C10orf88: variants seen among roughly 807,000 people sequenced by gnomAD.
The protein encoded by C10orf88 is ATPase PAAT.
A neutral mutation model predicts 34.2 loss-of-function variants in C10orf88; 29 were observed. That is an observed-to-expected ratio of 0.85 (90% CI 0.63 to 1.16). The LOEUF is 1.16. C10orf88 is among the 50% of genes most tolerant of loss of function. The probability of loss-of-function intolerance (pLI) is 0.00; values close to 1 mark genes in which losing one functional copy is unlikely to be tolerated. For missense variants in C10orf88, 507 were observed against 533.2 expected, an observed-to-expected ratio of 0.95 and a Z score of 0.48; for synonymous variants, 194 against 197.4, an observed-to-expected ratio of 0.98 and a Z score of 0.15.
chr10:122,953,122 G>A, intron 1 of C10orf88, 90 bp from the exon 2 acceptor site: 3 of 1,082,768 alleles, frequency 2.8e-6, no homozygotes, highest in Non-Finnish European at 4.1e-6. Flanking sequence ...CTGTCGCCCA[G>A]GCTGGAATGC....
At chr10:122,948,606 G>C in intron 4 of C10orf88, 43 bp downstream of exon 4, 2 of 1,565,204 alleles carry the variant, frequency 1.3e-6, no homozygotes, top group Non-Finnish European at 1.8e-6. Flanking sequence ...CAATGGTTTT[G>C]AAATCATTAA....
At chr10:122,934,784 TGA>T (rs942661574) in intron 5 of C10orf88, among the ~76,000 whole-genome samples, 1 of 152,168 alleles carries the variant, frequency 6.6e-6, no homozygotes, top group Admixed American at 6.5e-5. Flanking sequence ...CAACAATGTA[TGA>T]GAGATCCAGT....
At chr10:122,953,631 T>C (rs1848714987) in intron 1 of C10orf88, among the ~76,000 whole-genome samples, 1 of 152,248 alleles carries the variant, frequency 6.6e-6, no homozygotes, top group Non-Finnish European at 1.5e-5. Context: ...TTTTTCGAAA[T>C]TAAGTCGACA....
At chr10:122,952,596 C>T (rs983837179) in intron 2 of C10orf88, among the ~76,000 whole-genome samples, 1 of 152,178 alleles carries the variant, frequency 6.6e-6, no homozygotes, top group Non-Finnish European at 1.5e-5. Context: ...GACCTCCTAC[C>T]AATTCACCTT....
rs200811772 is a variant in C10orf88 at position 122,937,686 on chromosome 10, G to A, written c.1103+19C>T. ...CCACCTACCAAATCGAAACTCGTAT[G>A]TCTTAAAATAATACTTACCCAACAC... On this transcript the variant is annotated intron_variant, in intron 5 of 5. Transcript: ENST00000481909. 4.9e-4 allele frequency: 761 copies of A among 1,557,144 alleles called. No individual in the cohort carries two copies. Among genetic ancestry groups the A allele is most frequent in the Non-Finnish European group, 5.6e-4 (641 of 1,146,446 alleles).
chr10:122,941,809 G>C (rs1182710170), intron 4 of C10orf88, among the ~76,000 whole-genome samples: 3 of 152,040 alleles, frequency 2.0e-5, no homozygotes, highest in African/African-American at 7.2e-5. Flanking sequence ...CATTAGTGGT[G>C]AGAAGAAAGT....
rs372209098 is a variant in C10orf88 at position 122,932,515 on chromosome 10, T to C, written c.1250A>G (p.Asp417Gly). ...CGGGGAGTTAGGATTTTGCAGCAAA[T>C]CCAGTAACAAAGCAATCTTATCATC... ...HIDDKIALLL[D>G]LLQNPNSPPT... Residue 417 changes from aspartate to glycine, a missense_variant, in exon 6 of 6, where the codon GAT becomes GGT. Physicochemically the swap from Asp to Gly is moderately conservative, Grantham distance 94. Coordinates refer to ENST00000481909, the MANE Select transcript of C10orf88 (RefSeq NM_024942.4). 26 of 1,613,902 alleles carry C rather than the reference T, an allele frequency of 1.6e-5. No individual in the cohort carries two copies. The highest frequency in any genetic ancestry group is 2.1e-5 in the Non-Finnish European group (25 of 1,179,978).
chr10:122,936,658 A>C (rs558301139), intron 5 of C10orf88, among the ~76,000 whole-genome samples: 1 of 151,972 alleles, frequency 6.6e-6, no homozygotes, highest in Non-Finnish European at 1.5e-5. Flanking sequence ...TACTTCTTTA[A>C]CTGCATCCCA....
intron 2 of C10orf88, 85 bp from the exon 3 acceptor site, chr10:122,952,111 C>A (rs952104934): frequency 1.6e-5 from 12 of 756,124 alleles, no homozygotes; most frequent in Non-Finnish European, 1.9e-5. Flanking sequence ...GTTTCCAGAA[C>A]AATATTGAAA....
chr10:122,939,665 T>C (rs1234063915), intron 4 of C10orf88, among the ~76,000 whole-genome samples: 1 of 151,958 alleles, frequency 6.6e-6, no homozygotes, highest in Non-Finnish European at 1.5e-5. Context: ...AATGTTAACA[T>C]TGGACAACTC....
intron 5 of C10orf88, chr10:122,933,395 G>C (rs568437203): frequency 2.0e-5 from 3 of 152,180 alleles, no homozygotes; most frequent in Non-Finnish European, 4.4e-5. Flanking sequence ...GCTTGAACCC[G>C]GGAGACAGAG....
intron 4 of C10orf88, 40 bp from the exon 5 acceptor site, chr10:122,938,199 C>G (rs1440491524): frequency 2.0e-6 from 3 of 1,467,692 alleles, no homozygotes; most frequent in Non-Finnish European, 2.8e-6. Context: ...ATTAATAACA[C>G]TGACAGCTAA....
chr10:122,938,018 T>C lies in C10orf88; in HGVS notation c.790A>G (p.Thr264Ala). 6.2e-7 allele frequency: 1 copy of C among 1,613,408 alleles called. No individual in the cohort carries two copies. The highest frequency in any genetic ancestry group is 1.1e-5 in the South Asian group (1 of 91,062). The change falls in exon 5 of 6, where the codon ACA becomes GCA. Residue 264 changes from threonine to alanine, a missense_variant. By Grantham distance (58) the Thr-to-Ala change is moderately conservative. Coordinates refer to ENST00000481909, the MANE Select transcript of C10orf88 (RefSeq NM_024942.4). ...AAGTTTTCAGTCACGTTCCCAGATGTCAATCCAGTTCTAAAAGGAAAAGGT... is the reference window on the plus strand; with the variant it reads ...AAGTTTTCAGTCACGTTCCCAGATGCCAATCCAGTTCTAAAAGGAAAAGGT... ...STPFPFRTGL[T>A]SGNVTENLQT...
intron 4 of C10orf88, among the ~76,000 whole-genome samples, chr10:122,944,761 C>T (rs1245697707): frequency 6.6e-6 from 1 of 151,812 alleles, no homozygotes; most frequent in East Asian, 1.9e-4. Context: ...ATCTCACAAG[C>T]TTTTCAAATT....
At chr10:122,953,083 ACT>A (rs1403772218) in intron 1 of C10orf88, 51 bp from the exon 2 acceptor site, 1 of 1,439,448 alleles carries the variant, frequency 6.9e-7, no homozygotes, top group South Asian at 1.2e-5. Flanking sequence ...TCTGAACATG[ACT>A]CTTCTTTTTT....
intron 5 of C10orf88, among the ~76,000 whole-genome samples, chr10:122,936,730 CT>C (rs766806154): frequency 5.3e-5 from 8 of 151,862 alleles, no homozygotes; most frequent in Non-Finnish European, 7.4e-5. Context: ...TCTGTCAAGA[CT>C]TTTTCTTGAA....
intron 4 of C10orf88, among the ~76,000 whole-genome samples, chr10:122,940,017 C>G (rs1050049015): frequency 2.0e-5 from 3 of 151,860 alleles, no homozygotes; most frequent in African/African-American, 7.2e-5. Context: ...AAAAATAGAA[C>G]TACCATATGA....
At chr10:122,942,603 A>T (rs1221510255) in intron 4 of C10orf88, among the ~76,000 whole-genome samples, 1 of 150,204 alleles carries the variant, frequency 6.7e-6, no homozygotes, top group East Asian at 2.0e-4. Flanking sequence ...TGCAGATGAC[A>T]TGATTGTATA....
At chr10:122,949,988 C>G (rs1399385754) in intron 3 of C10orf88, among the ~76,000 whole-genome samples, 1 of 152,224 alleles carries the variant, frequency 6.6e-6, no homozygotes, top group East Asian at 1.9e-4. Flanking sequence ...TGAAACCTAT[C>G]TCTTCTGGCT....
Sources: allele counts gnomAD v4.1 joint callset (sites outside exome capture counted in the v4.1 genomes callset), GRCh38; gene constraint gnomAD v4.1.1; transcripts MANE v1.5; gene names NCBI Gene and HGNC (gene_info 2026-07-23, HGNC 2026-07-21).